NFKBIZ: variants seen among roughly 807,000 people sequenced by gnomAD.
NFKBIZ encodes NFKB inhibitor zeta.
A neutral mutation model predicts 76.8 loss-of-function variants in NFKBIZ; 19 were observed. The observed-to-expected ratio is 0.25, with a 90% CI of 0.17 to 0.36. NFKBIZ has a LOEUF of 0.36. Ranked by LOEUF, NFKBIZ falls within the 10% of genes least tolerant of loss-of-function variation. The pLI is 1.00. For missense variants in NFKBIZ, 829 were observed against 910.9 expected, an observed-to-expected ratio of 0.91 and a Z score of 1.16; for synonymous variants, 368 against 354.8, an observed-to-expected ratio of 1.04 and a Z score of -0.42.
chr3:101,853,460 C>T lies in NFKBIZ; in HGVS notation c.934C>T (p.Pro312Ser), dbSNP rs763865646. The T allele has an allele frequency of 6.2e-7, 1 of 1,614,214 alleles. No individual in the cohort carries two copies. The highest frequency in any genetic ancestry group is 1.7e-5 in the Admixed American group (1 of 60,026). Residue 312 changes from proline (P) to serine (S), a missense_variant, in exon 5 of 12, where the codon CCT becomes TCT. This residue lies in a region of NFKBIZ where 371 missense variants were observed against 332.3 expected (regional missense o/e 1.12). Coordinates refer to ENST00000326172, the MANE Select transcript of NFKBIZ (RefSeq NM_031419.4). ...CCACAAACCAACTCTGGAATACAGTCCTTTTCCCATACCTCCCCAGTCCCC... is the reference window on the plus strand; with the variant it reads ...CCACAAACCAACTCTGGAATACAGTTCTTTTCCCATACCTCCCCAGTCCCC... ...YTHKPTLEYS[P>S]FPIPPQSPAY...
chr3:101,854,573 C>T lies in NFKBIZ; in HGVS notation c.1338-5C>T, dbSNP rs746551316. The T allele has an allele frequency of 1.3e-6, 2 of 1,596,928 alleles. No individual in the cohort carries two copies. The highest frequency in any genetic ancestry group is 1.7e-6 in the Non-Finnish European group (2 of 1,165,456). On this transcript the variant is annotated splice_polypyrimidine_tract_variant and splice_region_variant and intron_variant, in intron 5 of 11. Coordinates refer to ENST00000326172, the MANE Select transcript of NFKBIZ (RefSeq NM_031419.4). ...TTCACCCGCTTTCCTTTCCATGTTC[C>T]CCAGGTTCCTTCATATTGCTGTTGC...
Position 101,859,444 on chromosome 3 carries a change from C to T in NFKBIZ, c.*73C>T, listed in dbSNP as rs1423979076. ...AGTCCTGATGTATCTGTACATAGAC[C>T]ATTTGCCTTATATTGGCAAATGTAA... On this transcript the variant is annotated 3_prime_UTR_variant, in exon 12 of 12. Coordinates refer to ENST00000326172, the MANE Select transcript of NFKBIZ (RefSeq NM_031419.4). 1.6e-6 allele frequency: 2 copies of T among 1,257,952 alleles called. No individual in the cohort carries two copies. The highest frequency in any genetic ancestry group is 1.5e-5 in the African/African-American group (1 of 67,854). 77.9% of individuals were successfully genotyped at this position (1,257,952 alleles called of 1,614,324 possible).
chr3:101,858,681 C>A (rs924711842), intron 11 of NFKBIZ, among the ~76,000 whole-genome samples: 3 of 152,170 alleles, frequency 2.0e-5, no homozygotes, highest in Admixed American at 2.0e-4. Flanking sequence ...TATCCCCTAC[C>A]CCAATCGCCT....
At chr3:101,830,302 A>G (rs2107390868) in intron 2 of NFKBIZ, among the ~76,000 whole-genome samples, 1 of 152,288 alleles carries the variant, frequency 6.6e-6, no homozygotes, top group African/African-American at 2.4e-5. Flanking sequence ...AGGTAGCTGT[A>G]ATTAGCTTTA....
rs1943102377 is a variant in NFKBIZ at position 101,859,329 on chromosome 3, C to T, written c.2115C>T (p.Ile705=). 6.2e-6 allele frequency: 10 copies of T among 1,613,398 alleles called. No individual in the cohort carries two copies. The highest frequency in any genetic ancestry group is 8.5e-6 in the Non-Finnish European group (10 of 1,179,574). ...DGPVGEQIRR[I]LKGKSIQQRA... ...TGTTTCTCTTCCAGATCCGACGTAT[C>T]CTGAAGGGAAAGTCCATTCAGCAGA... Residue 705 remains isoleucine, a synonymous_variant, in exon 12 of 12, where the codon ATC becomes ATT. Transcript: ENST00000326172.
chr3:101,835,509 TAA>T (rs1942708077), intron 2 of NFKBIZ, among the ~76,000 whole-genome samples: 1 of 152,172 alleles, frequency 6.6e-6, no homozygotes, highest in South Asian at 2.1e-4. Context: ...AAGTTCAAGA[TAA>T]GGTGTTGGCA....
intron 1 of NFKBIZ, chr3:101,850,568 A>T (rs1942939341): frequency 6.6e-6 from 1 of 152,208 alleles, no homozygotes; most frequent in Admixed American, 6.5e-5. Context: ...AGAAAGACGT[A>T]ATGTTATCTT....
chr3:101,857,848 G>A, intron 11 of NFKBIZ: 1 of 958,228 alleles, frequency 1.0e-6, no homozygotes, highest in Non-Finnish European at 1.2e-6. Context: ...GTTGTTACAT[G>A]TGGAGTGCTC....
upstream of NFKBIZ, among the ~76,000 whole-genome samples, chr3:101,848,311 G>T (rs1444862000): frequency 1.3e-5 from 2 of 152,176 alleles, no homozygotes; most frequent in Non-Finnish European, 2.9e-5. Flanking sequence ...AATCGTAAAA[G>T]GGGACTATAC....
In NFKBIZ at chr3:101,850,008, G is replaced by T. The variant is rs1942925812; in HGVS notation, c.289+91G>T. The T allele has an allele frequency of 5.1e-6, 6 of 1,187,798 alleles. No homozygotes were observed. The African/African-American group carries it at 6.4e-5, about 13-fold the overall frequency. 73.6% of individuals were successfully genotyped at this position (1,187,798 alleles called of 1,614,324 possible). On this transcript the variant is annotated intron_variant, in intron 1 of 11. Coordinates refer to ENST00000326172, the MANE Select transcript of NFKBIZ (RefSeq NM_031419.4). ...TCCCCAGATGGAGGGTGGCCCCTGCGCCCTCCTTAGAGCTAGGACGTACGC... is the reference window on the plus strand; with the variant it reads ...TCCCCAGATGGAGGGTGGCCCCTGCTCCCTCCTTAGAGCTAGGACGTACGC...
At chr3:101,859,004 A>T (rs1446360661) in intron 11 of NFKBIZ, among the ~76,000 whole-genome samples, 2 of 152,210 alleles carry the variant, frequency 1.3e-5, no homozygotes, top group East Asian at 1.9e-4. Flanking sequence ...CACAAATAGC[A>T]AGAGTAAAGA....
chr3:101,838,359 G>A (rs748040515), intron 2 of NFKBIZ, among the ~76,000 whole-genome samples: 11 of 152,266 alleles, frequency 7.2e-5, no homozygotes, highest in South Asian at 2.1e-4. Context: ...CCAAGGTCAC[G>A]TAGCTGGTAA....
chr3:101,849,528 C>T lies in NFKBIZ; in HGVS notation c.-101C>T, dbSNP rs1275623320. ...GCGCCGCGCCCGTACTGGCCCGCGCCGTCCGCCCGCCGACAGCTCCCTGAG... is the reference window on the plus strand; with the variant it reads ...GCGCCGCGCCCGTACTGGCCCGCGCTGTCCGCCCGCCGACAGCTCCCTGAG... On this transcript the variant is annotated 5_prime_UTR_variant, in exon 1 of 12. Coordinates refer to ENST00000326172, the MANE Select transcript of NFKBIZ (RefSeq NM_031419.4). 2.8e-6 allele frequency: 3 copies of T among 1,071,172 alleles called. No homozygotes were observed. Among genetic ancestry groups the T allele is most frequent in the African/African-American group, 1.7e-5 (1 of 59,894 alleles). The allele number at this position is 1,071,172 out of a possible 1,614,324, so 66.4% of individuals were successfully genotyped here.
chr3:101,843,835 T>C (rs1942817366), intron 2 of NFKBIZ, among the ~76,000 whole-genome samples: 1 of 152,212 alleles, frequency 6.6e-6, no homozygotes. Context: ...CATTATATAA[T>C]ATAAAAAAAT....
At position 101,849,840 on chromosome 3, in the gene NFKBIZ, C is replaced by T; in HGVS notation, c.212C>T (p.Ser71Phe). 3 of 1,473,496 alleles carry T rather than the reference C, an allele frequency of 2.0e-6. No homozygotes were observed. The highest frequency in any genetic ancestry group is 3.0e-5 in the East Asian group (1 of 33,452). The allele number at this position is 1,473,496 out of a possible 1,614,324, so 91.3% of individuals were successfully genotyped here. A position where few individuals can be genotyped will look rare whatever the true frequency, so the allele number is the denominator to read the frequency against. Residue 71 changes from serine (S) to phenylalanine (F), a missense_variant, in exon 1 of 12, where the codon TCC becomes TTC. Ser to Phe is a radical substitution (Grantham distance 155). Coordinates refer to ENST00000326172, the MANE Select transcript of NFKBIZ (RefSeq NM_031419.4). ...GSPGSDSSDF[S>F]SASSVSSCGA... is the part of the protein sequence containing the mutation. ...CCCGGCTCCGACTCCTCCGACTTCT[C>T]CTCTGCCTCGTCGGTGTCCTCCTGC...
rs1435457714 is a variant in NFKBIZ, at chr3:101,853,642, C to G, written c.1116C>G (p.His372Gln). 1.2e-6 allele frequency: 2 copies of G among 1,614,134 alleles called. No individual in the cohort carries two copies. The highest frequency in any genetic ancestry group is 2.7e-5 in the African/African-American group (2 of 74,938). ...SVQQQNDAHL[H>Q]SFSMMPSSAC... The stretch of plus-strand genomic sequence containing the variant: ...AGCAGCAAAATGATGCTCACTTGCA[C>G]AGCTTCAGCATGATGCCCAGCAGCG... The change falls in exon 5 of 12, where the codon CAC (histidine) becomes CAG (glutamine). Residue 372 changes from histidine (H) to glutamine (Q), a missense_variant. By Grantham distance (24) the His-to-Gln change is conservative. Coordinates refer to ENST00000326172, the MANE Select transcript of NFKBIZ (RefSeq NM_031419.4).
intron 2 of NFKBIZ, among the ~76,000 whole-genome samples, chr3:101,836,450 A>T (rs919283645): frequency 6.6e-6 from 1 of 152,106 alleles, no homozygotes; most frequent in Non-Finnish European, 1.5e-5. Flanking sequence ...ATTATCTTAT[A>T]TAGCTTTTTG....
At chr3:101,857,972 C>T (rs1195951245) in intron 11 of NFKBIZ, 14 of 825,296 alleles carry the variant, frequency 1.7e-5, no homozygotes, top group South Asian at 5.6e-5. Context: ...TAATTTCAAA[C>T]CTAGAAATAT....
chr3:101,854,278 G>T (rs1045127011), intron 5 of NFKBIZ, among the ~76,000 whole-genome samples: 2 of 152,094 alleles, frequency 1.3e-5, no homozygotes, highest in African/African-American at 4.8e-5. Flanking sequence ...GTTCCTTGAC[G>T]TGTAAAATGA....
Sources: gnomAD v4.1 joint callset for allele counts (sites outside exome capture counted in the v4.1 genomes callset) on GRCh38, gnomAD v4.1.1 for gene constraint, gnomAD v4.1.1 regional missense constraint, MANE v1.5 for transcripts, NCBI Gene and HGNC (gene_info 2026-07-23, HGNC 2026-07-21) for gene names.